Variants in MLLT3 observed in about 807,000 individuals in gnomAD.
The protein encoded by MLLT3 is protein AF-9.
MLLT3 carries 4 observed loss-of-function variants against 53.2 expected under a neutral mutation model. The observed-to-expected ratio is 0.08, with a 90% CI of 0.04 to 0.17. The LOEUF is 0.17. MLLT3 is among the 10% of genes least tolerant of loss of function. MLLT3 has a pLI of 1.00. For synonymous variants in MLLT3, 283 were observed against 230.6 expected, an observed-to-expected ratio of 1.23 and a Z score of -2.06; for missense variants, 569 against 684.0, an observed-to-expected ratio of 0.83 and a Z score of 1.87.
intron 2 of MLLT3, among the ~76,000 whole-genome samples, chr9:20,577,148 T>G (rs1402149856): frequency 6.6e-6 from 1 of 152,208 alleles, no homozygotes; most frequent in Non-Finnish European, 1.5e-5. Flanking sequence ...TACACTGTTC[T>G]GTGTGGTGAT....
intron 4 of MLLT3, among the ~76,000 whole-genome samples, chr9:20,433,526 C>CAAGTAATGGGT (rs777267327): frequency 2.5e-4 from 38 of 151,946 alleles, no homozygotes; most frequent in Non-Finnish European, 4.7e-4. Context: ...CCATTCGAAT[C>CAAGTAATGGGT]AAGTAATGGG....
At chr9:20,571,128 C>G (rs1006614333) in intron 2 of MLLT3, among the ~76,000 whole-genome samples, 2 of 152,218 alleles carry the variant, frequency 1.3e-5, no homozygotes, top group African/African-American at 4.8e-5. Context: ...CACACATATA[C>G]ATATCATTCC....
intron 5 of MLLT3, among the ~76,000 whole-genome samples, chr9:20,387,042 AGATAAAGAT>A (rs1305197757): frequency 6.6e-6 from 1 of 152,244 alleles, no homozygotes; most frequent in Non-Finnish European, 1.5e-5. Flanking sequence ...CACTAGCCAA[AGATAAAGAT>A]GAGGACAGAA....
chr9:20,490,064 G>A (rs899597429), intron 2 of MLLT3, among the ~76,000 whole-genome samples: 1 of 152,176 alleles, frequency 6.6e-6, no homozygotes, highest in African/African-American at 2.4e-5. Flanking sequence ...GTGCTCCTCT[G>A]ATAAAGATGT....
chr9:20,473,885 C>T (rs924203487), intron 2 of MLLT3, among the ~76,000 whole-genome samples: 3 of 152,104 alleles, frequency 2.0e-5, no homozygotes, highest in African/African-American at 7.2e-5. Flanking sequence ...TACTACTGTA[C>T]TTTCTAGTCA....
chr9:20,349,597 T>C (rs1291799132), intron 10 of MLLT3, among the ~76,000 whole-genome samples: 3 of 152,112 alleles, frequency 2.0e-5, no homozygotes, highest in African/African-American at 7.2e-5. Context: ...ATATAGTTGT[T>C]CCCTAATTAT....
intron 2 of MLLT3, among the ~76,000 whole-genome samples, chr9:20,609,788 T>C (rs1820654270): frequency 6.6e-6 from 1 of 152,118 alleles, no homozygotes; most frequent in Non-Finnish European, 1.5e-5. Context: ...TCCCTATTAC[T>C]GCAGCAAGTC....
At chr9:20,616,309 A>G (rs988903552) in intron 2 of MLLT3, among the ~76,000 whole-genome samples, 2 of 152,120 alleles carry the variant, frequency 1.3e-5, no homozygotes, top group Admixed American at 1.3e-4. Context: ...AATTCTCTCC[A>G]TCTTTAAGCA....
chr9:20,460,720 T>C (rs1824084456), intron 2 of MLLT3, among the ~76,000 whole-genome samples: 2 of 152,362 alleles, frequency 1.3e-5, no homozygotes, highest in East Asian at 3.8e-4. Flanking sequence ...AAAAGACTCA[T>C]GCTACCCTTC....
chr9:20,365,742 A>G lies in MLLT3; in HGVS notation c.1128T>C (p.Ser376=), dbSNP rs1341310049. 1 of 1,614,180 alleles carries G rather than the reference A, an allele frequency of 6.2e-7. No individual in the cohort carries two copies. The highest frequency in any genetic ancestry group is 2.2e-5 in the East Asian group (1 of 44,882). The change falls in exon 6 of 11, where the codon TCT becomes TCC. Residue 376 remains serine, a splice_region_variant and synonymous_variant. Coordinates refer to ENST00000380338, the MANE Select transcript of MLLT3 (RefSeq NM_004529.4). Reference sequence around the variant, plus strand: ...TGGAGCTGGCAGGACTGGGTTGTTCAGACTTTAAAGAAGAATAAAAAGGCA... The same window carrying G: ...TGGAGCTGGCAGGACTGGGTTGTTCGGACTTTAAAGAAGAATAAAAAGGCA... ...VEENISSKSD[S]EQPSPASSSS... is the part of the protein sequence containing the mutation.
intron 5 of MLLT3, among the ~76,000 whole-genome samples, chr9:20,406,239 G>A (rs866403013): frequency 2.6e-5 from 4 of 152,114 alleles, no homozygotes; most frequent in African/African-American, 9.7e-5. Flanking sequence ...GCGAGACCCT[G>A]TCTCAAAAAT....
chr9:20,377,946 C>A (rs956586810), intron 5 of MLLT3, among the ~76,000 whole-genome samples: 2 of 151,948 alleles, frequency 1.3e-5, no homozygotes, highest in East Asian at 1.9e-4. Context: ...TCTCTACAAG[C>A]CTTATATCTT....
intron 2 of MLLT3, among the ~76,000 whole-genome samples, chr9:20,602,738 T>C (rs1440420643): frequency 6.7e-6 from 1 of 150,276 alleles, no homozygotes; most frequent in African/African-American, 2.5e-5. Context: ...CAGGCTCTTG[T>C]AACAATGTTT....
At chr9:20,402,083 G>C (rs1822470071) in intron 5 of MLLT3, among the ~76,000 whole-genome samples, 1 of 152,264 alleles carries the variant, frequency 6.6e-6, no homozygotes, top group Non-Finnish European at 1.5e-5. Flanking sequence ...GGTAGAGGAA[G>C]GTCAGCAGGT....
chr9:20,585,470 T>A (rs970398454), intron 2 of MLLT3, among the ~76,000 whole-genome samples: 1 of 152,084 alleles, frequency 6.6e-6, no homozygotes, highest in African/African-American at 2.4e-5. Flanking sequence ...ACAGTAATAG[T>A]GTGTTTAGTT....
At chr9:20,551,492 A>T (rs569971803) in intron 2 of MLLT3, among the ~76,000 whole-genome samples, 2 of 152,350 alleles carry the variant, frequency 1.3e-5, no homozygotes, top group South Asian at 2.1e-4. Context: ...TAAGGAATGT[A>T]CCAAACATTT....
In MLLT3 at chr9:20,342,834, G is replaced by GTGTA. The variant is rs1554673228; in HGVS notation, c.*3608_*3609insTACA. 1.4e-4 allele frequency: 24 copies of GTGTA among 166,688 alleles called. No homozygotes were observed. Among genetic ancestry groups the GTGTA allele is most frequent in the African/African-American group, 5.2e-4 (21 of 40,174 alleles). The allele number at this position is 166,688 out of a possible 1,614,324, so 10.3% of individuals were successfully genotyped here. A position where few individuals can be genotyped will look rare whatever the true frequency, so the allele number is the denominator to read the frequency against. On this transcript the variant is annotated 3_prime_UTR_variant, in exon 11 of 11. Transcript: ENST00000380338. The stretch of plus-strand genomic sequence containing the variant: ...AAGATTACTCTGATAATATATATGT[G>GTGTA]TATATATATATATATATGTATATAT...
intron 7 of MLLT3, 132 bp from the exon 8 acceptor site, chr9:20,360,973 A>C: frequency 1.4e-6 from 1 of 734,818 alleles, no homozygotes; most frequent in Admixed American, 2.1e-5. Flanking sequence ...CACAGCCGCT[A>C]ACACATATTG....
chr9:20,538,256 T>A (rs1413407766), intron 2 of MLLT3, among the ~76,000 whole-genome samples: 1 of 152,226 alleles, frequency 6.6e-6, no homozygotes, highest in Admixed American at 6.5e-5. Flanking sequence ...TTTAATCCAA[T>A]TAACTCTTGA....
Sources: allele counts gnomAD v4.1 joint callset (sites outside exome capture counted in the v4.1 genomes callset), GRCh38; gene constraint gnomAD v4.1.1; transcripts MANE v1.5; gene names NCBI Gene and HGNC (gene_info 2026-07-23, HGNC 2026-07-21).